The following CDC45 variants were observed in gnomAD, a reference collection of about 807,000 sequenced individuals.
CDC45 encodes cell division cycle 45.
In CDC45, 54 loss-of-function variants were observed where a neutral mutation model predicts 77.8. The ratio of observed to expected loss-of-function variants is 0.69; its 90% CI spans 0.56 to 0.87. The LOEUF (loss-of-function observed/expected upper bound fraction) is 0.87, where lower values mean the gene tolerates loss of function less well. Ranked by LOEUF, CDC45 falls within the 40% of genes least tolerant of loss-of-function variation. CDC45 has a pLI of 0.00. For missense variants in CDC45, 649 were observed against 721.6 expected (o/e 0.90, Z 1.15); for synonymous variants, 260 against 272.1 (o/e 0.96, Z 0.44).
chr22:19,515,841 C>T (rs926534006), intron 15 of CDC45, among the ~76,000 whole-genome samples: 3 of 152,098 alleles, frequency 2.0e-5, no homozygotes, highest in African/African-American at 7.2e-5. Context: ...GAACACATAC[C>T]CACTTTACAG....
chr22:19,517,576 C>T (rs547759637), intron 17 of CDC45, among the ~76,000 whole-genome samples: 1 of 152,346 alleles, frequency 6.6e-6, no homozygotes, highest in Admixed American at 6.5e-5. Context: ...AGGGTGGCTT[C>T]AACCACGTGT....
intron 9 of CDC45, among the ~76,000 whole-genome samples, chr22:19,503,547 G>C (rs934052521): frequency 6.6e-6 from 1 of 152,156 alleles, no homozygotes; most frequent in Admixed American, 6.5e-5. Context: ...CCTGAGTTAG[G>C]CCTGCTGAGC....
chr22:19,484,037 G>A (rs760522805), intron 5 of CDC45, 32 bp downstream of exon 5: 1 of 1,571,490 alleles, frequency 6.4e-7, no homozygotes, highest in South Asian at 1.2e-5. Flanking sequence ...CTATCCCAGA[G>A]GAACTTGCAC....
chr22:19,490,800 A>T (rs1321409920), intron 5 of CDC45, among the ~76,000 whole-genome samples: 1 of 150,300 alleles, frequency 6.7e-6, no homozygotes, highest in African/African-American at 2.4e-5. Flanking sequence ...TCATTTTACC[A>T]GTTGAGTCAC....
chr22:19,511,789 T>C (rs989253601), intron 13 of CDC45, among the ~76,000 whole-genome samples: 1 of 152,188 alleles, frequency 6.6e-6, no homozygotes, highest in African/African-American at 2.4e-5. Flanking sequence ...TTTTCTTTTG[T>C]TTCTTGTGCT....
In CDC45 at chr22:19,520,060, G is replaced by C. The variant is rs915590570; in HGVS notation, c.*2-421G>C. 3.3e-5 allele frequency among the ~76,000 whole-genome samples: 5 copies of C among 152,106 alleles called. No individual in the cohort carries two copies. Among genetic ancestry groups the C allele is most frequent in the African/African-American group, 1.2e-4 (5 of 41,372 alleles). ...GTGGGGCTCTCTGGCAGTGGAGTGG[G>C]TGCTAGAGGCAAACCCCTCCCCTGC... On this transcript the variant is annotated intron_variant, in intron 18 of 18. Coordinates refer to ENST00000263201, the MANE Select transcript of CDC45 (RefSeq NM_003504.5). This position sits in a 1 kb window ranked among gnomAD's most constrained non-coding sequence, Gnocchi z 4.5.
chr22:19,490,337 T>C (rs1293368529), intron 5 of CDC45, among the ~76,000 whole-genome samples: 1 of 152,098 alleles, frequency 6.6e-6, no homozygotes, highest in Non-Finnish European at 1.5e-5. Context: ...TCCTGGTCTC[T>C]GTTTTTTTTA....
At chr22:19,517,918 A>G (rs894184958) in intron 17 of CDC45, among the ~76,000 whole-genome samples, 1 of 152,176 alleles carries the variant, frequency 6.6e-6, no homozygotes, top group Admixed American at 6.5e-5. Flanking sequence ...CACCTCTGAG[A>G]AAGGATATTT....
At chr22:19,506,261 C>T (rs377005115) in intron 10 of CDC45, among the ~76,000 whole-genome samples, 26 of 152,174 alleles carry the variant, frequency 1.7e-4, no homozygotes, top group African/African-American at 6.3e-4. Context: ...GCCATCGGAG[C>T]CTGGGGAGCG....
chr22:19,494,502 G>C (rs1207857354), intron 6 of CDC45, 120 bp downstream of exon 6: 2 of 1,553,764 alleles, frequency 1.3e-6, no homozygotes, highest in Non-Finnish European at 1.7e-6. Context: ...GAACCTTTGG[G>C]CCAGTGGCTC....
rs2073733 is a variant in CDC45, at chr22:19,516,795, G to A, written c.1560-22G>A. The stretch of plus-strand genomic sequence containing the variant: ...GTCCATTGCAGGCCGCCTGGCCCCC[G>A]ACATGTCTTGTGTGTCAGCAGCTTT... On this transcript the variant is annotated intron_variant, in intron 16 of 18. Transcript: ENST00000263201. 719,374 of 1,611,058 alleles carry A rather than the reference G, an allele frequency of 0.45. 167,486 individuals carry two copies. The highest frequency in any genetic ancestry group is 0.48 in the Non-Finnish European group (564,948 of 1,177,592).
chr22:19,504,533 A>G (rs562190203), intron 9 of CDC45, among the ~76,000 whole-genome samples: 5 of 152,188 alleles, frequency 3.3e-5, no homozygotes, highest in African/African-American at 1.2e-4. Context: ...TCCTGCCCTC[A>G]GGTGATCTGC....
intron 8 of CDC45, 65 bp from the exon 9 acceptor site, chr22:19,499,036 A>G (rs972356399): frequency 5.9e-6 from 9 of 1,534,232 alleles, no homozygotes; most frequent in Non-Finnish European, 8.1e-6. Flanking sequence ...ATCTCACTCC[A>G]TCCCCCAGGC....
intron 3 of CDC45, among the ~76,000 whole-genome samples, chr22:19,481,270 G>C (rs2089978095): frequency 6.6e-6 from 1 of 152,178 alleles, no homozygotes; most frequent in South Asian, 2.1e-4. Context: ...CCCCAACTTT[G>C]AACTTGTTTT....
In CDC45 at chr22:19,480,998, T is replaced by C. The variant is rs1212661430; in HGVS notation, c.157T>C (p.Ser53Pro). The C allele has an allele frequency of 6.2e-7, 1 of 1,613,850 alleles. No individual in the cohort carries two copies. The highest frequency in any genetic ancestry group is 1.3e-5 in the African/African-American group (1 of 74,944). ...DHVQYTLVPV[S>P]GWQELETAFL... ...CGTGCAATATACGCTGGTTCCAGTT[T>C]CTGGGTGGCAAGAACTTGAAACTGC... The change falls in exon 3 of 19, where the codon TCT becomes CCT. Residue 53 changes from serine to proline, a missense_variant. Transcript: ENST00000263201.
At chr22:19,515,516 T>C (rs1043779091) in intron 15 of CDC45, among the ~76,000 whole-genome samples, 1 of 152,234 alleles carries the variant, frequency 6.6e-6, no homozygotes, top group Admixed American at 6.5e-5. Context: ...GACATGGGGC[T>C]CCTCCCAGAT....
intron 2 of CDC45, among the ~76,000 whole-genome samples, 172 bp from the exon 3 acceptor site, chr22:19,480,781 T>C (rs771000289): frequency 5.3e-5 from 8 of 152,248 alleles, no homozygotes; most frequent in Non-Finnish European, 1.0e-4. Context: ...CACAGAATGG[T>C]ATGGTAAACG....
chr22:19,504,204 A>C (rs1042903267), intron 9 of CDC45, among the ~76,000 whole-genome samples: 1 of 152,266 alleles, frequency 6.6e-6, no homozygotes, highest in African/African-American at 2.4e-5. Context: ...CAGCAGAGGA[A>C]GAGTTTCATG....
At chr22:19,501,275 C>T (rs537754283) in intron 9 of CDC45, among the ~76,000 whole-genome samples, 2 of 152,292 alleles carry the variant, frequency 1.3e-5, no homozygotes, top group East Asian at 1.9e-4. Flanking sequence ...CTTCACTGTT[C>T]GGTGGGCAGG....
Sources: allele counts gnomAD v4.1 joint callset (sites outside exome capture counted in the v4.1 genomes callset), GRCh38; gene constraint gnomAD v4.1.1; non-coding constraint Gnocchi (gnomAD v3.1); transcripts MANE v1.5; gene names NCBI Gene and HGNC (gene_info 2026-07-23, HGNC 2026-07-21).